GLG1: variants seen among roughly 807,000 people sequenced by gnomAD.
GLG1 encodes Golgi apparatus protein 1.
Under a neutral mutation model 160.5 loss-of-function variants are expected in GLG1, and 38 were observed. The observed-to-expected ratio is 0.24, with a 90% CI of 0.18 to 0.31. The LOEUF (loss-of-function observed/expected upper bound fraction) is 0.31. Ranked by LOEUF, GLG1 falls within the 10% of genes least tolerant of loss-of-function variation. GLG1 has a pLI of 1.00. For missense variants in GLG1, 1,373 were observed against 1,505.2 expected, an observed-to-expected ratio of 0.91 and a Z score of 1.45; for synonymous variants, 644 against 543.4, an observed-to-expected ratio of 1.19 and a Z score of -2.57.
intron 11 of GLG1, among the ~76,000 whole-genome samples, chr16:74,479,441 G>A (rs1181566387): frequency 7.7e-6 from 1 of 129,378 alleles, no homozygotes; most frequent in Non-Finnish European, 1.8e-5. Context: ...CTCATTATAT[G>A]GAGAGAAAAA....
chr16:74,465,634 T>TTGTTGTTCATCCG (rs2014972645), intron 19 of GLG1, 42 bp downstream of exon 19: 1 of 1,600,916 alleles, frequency 6.2e-7, no homozygotes, highest in African/African-American at 1.3e-5. Flanking sequence ...CTTTGTTGTT[T>TTGTTGTTCATCCG]TGTTGTTCAT....
chr16:74,506,934 T>C (rs944679363), intron 3 of GLG1, among the ~76,000 whole-genome samples: 2 of 152,162 alleles, frequency 1.3e-5, no homozygotes, highest in African/African-American at 4.8e-5. Context: ...ATGAGCAAAA[T>C]GCTGCAGTCA....
At chr16:74,516,209 T>C (rs975946340) in intron 2 of GLG1, among the ~76,000 whole-genome samples, 9 of 151,622 alleles carry the variant, frequency 5.9e-5, no homozygotes, top group Non-Finnish European at 1.0e-4. Context: ...GCAGACCTAA[T>C]AGACATCTAC....
chr16:74,498,156 G>A (rs1037030716), intron 4 of GLG1, among the ~76,000 whole-genome samples: 36 of 151,684 alleles, frequency 2.4e-4, no homozygotes, highest in African/African-American at 6.5e-4. Context: ...CTATTAGCCC[G>A]GCACGATGGC....
At chr16:74,513,192 G>A (rs2016868839) in intron 2 of GLG1, among the ~76,000 whole-genome samples, 2 of 152,156 alleles carry the variant, frequency 1.3e-5, no homozygotes, top group Non-Finnish European at 2.9e-5. Context: ...TTACACTGGA[G>A]AAGGGCAGGA....
At chr16:74,586,189 C>T (rs1395875442) in intron 1 of GLG1, among the ~76,000 whole-genome samples, 11 of 152,010 alleles carry the variant, frequency 7.2e-5, no homozygotes. Context: ...AGGCAAGGCC[C>T]TAGGAAACGA....
rs1029158886 is a variant in GLG1, at chr16:74,496,577, C to G, written c.842G>C (p.Arg281Thr). 1 of 1,613,430 alleles carries G rather than the reference C, an allele frequency of 6.2e-7. No individual in the cohort carries two copies. Among genetic ancestry groups the G allele is most frequent in the Non-Finnish European group, 8.5e-7 (1 of 1,179,604 alleles). The change falls in exon 5 of 26, where the codon AGA (arginine) becomes ACA (threonine). Residue 281 changes from arginine to threonine, a missense_variant. Physicochemically the swap from Arg to Thr is moderately conservative, Grantham distance 71. This residue lies in a region of GLG1 where 174 missense variants were observed against 229.9 expected (regional missense o/e 0.76). Coordinates refer to ENST00000422840, the MANE Select transcript of GLG1 (RefSeq NM_001145667.2). ...EKGLVKEAEE[R>T]EPKIQVSELC... ...TTCAGAAACTTGAATCTTGGGTTCTCTTTCTTCTGCTTCTTTCACCAGGCC... is the reference window on the plus strand; with the variant it reads ...TTCAGAAACTTGAATCTTGGGTTCTGTTTCTTCTGCTTCTTTCACCAGGCC...
intron 1 of GLG1, among the ~76,000 whole-genome samples, chr16:74,540,500 C>G (rs1250591604): frequency 6.6e-6 from 1 of 151,608 alleles, no homozygotes; most frequent in Non-Finnish European, 1.5e-5. Context: ...AGAGCTCAAC[C>G]AATCTTTTCA....
intron 3 of GLG1, among the ~76,000 whole-genome samples, chr16:74,504,009 T>A (rs1339636385): frequency 1.3e-5 from 2 of 152,190 alleles, no homozygotes; most frequent in Admixed American, 1.3e-4. Flanking sequence ...AATACCTACA[T>A]ATCAAATGCT....
At chr16:74,541,320 T>C (rs1269765457) in intron 1 of GLG1, among the ~76,000 whole-genome samples, 3 of 111,750 alleles carry the variant, frequency 2.7e-5, no homozygotes, top group Non-Finnish European at 3.6e-5. Flanking sequence ...CAAGGCTCTG[T>C]CTCCAAAAAA....
At chr16:74,491,636 CTTTT>C (rs57935114) in intron 7 of GLG1, among the ~76,000 whole-genome samples, 8 of 87,404 alleles carry the variant, frequency 9.2e-5, no homozygotes, top group African/African-American at 2.0e-4. Context: ...ATGGGGAAAA[CTTTT>C]TTTTTTTTTT....
chr16:74,476,484 C>A (rs557267718), intron 12 of GLG1, among the ~76,000 whole-genome samples: 1 of 152,144 alleles, frequency 6.6e-6, no homozygotes, highest in Non-Finnish European at 1.5e-5. Flanking sequence ...AATTCCTGTA[C>A]GTGTGACTTT....
At chr16:74,498,236 G>C (rs566775218) in intron 4 of GLG1, among the ~76,000 whole-genome samples, 1 of 150,258 alleles carries the variant, frequency 6.7e-6, no homozygotes, top group Admixed American at 6.7e-5. Flanking sequence ...TTCAAGACCA[G>C]TCTGGCCAAC....
chr16:74,564,147 T>C (rs1346073942), intron 1 of GLG1, among the ~76,000 whole-genome samples: 1 of 152,198 alleles, frequency 6.6e-6, no homozygotes, highest in East Asian at 1.9e-4. Flanking sequence ...CTTGAACTCC[T>C]GGCCTCAGGG....
In GLG1 at chr16:74,462,485, T is replaced by C; in HGVS notation, c.2934+3A>G. On this transcript the variant is annotated splice_donor_region_variant and intron_variant, in intron 21 of 25. Coordinates refer to ENST00000422840, the MANE Select transcript of GLG1 (RefSeq NM_001145667.2). Reference sequence around the variant, plus strand: ...CCTTTGTGGAGAGCCCAGGCCAGTTTACCTGGTCAGCATATCTCAGCTTCA... The same window carrying C: ...CCTTTGTGGAGAGCCCAGGCCAGTTCACCTGGTCAGCATATCTCAGCTTCA... 6.2e-7 allele frequency: 1 copy of C among 1,612,900 alleles called. No homozygotes were observed. The highest frequency in any genetic ancestry group is 1.1e-5 in the South Asian group (1 of 91,042).
rs12934719 is a variant in GLG1 at position 74,591,185 on chromosome 16, G to C, written c.438+15472C>G. 5.9e-5 allele frequency among the ~76,000 whole-genome samples: 9 copies of C among 151,844 alleles called. No individual in the cohort carries two copies. The East Asian group carries it at 7.8e-4, about 13-fold the overall frequency. ...GTCTCTACTAAAAATACAAAAATTA[G>C]CTGGGTGTCTTGGCATGCACCTGTA... On this transcript the variant is annotated intron_variant, in intron 1 of 25. Transcript: ENST00000422840.
intron 1 of GLG1, among the ~76,000 whole-genome samples, chr16:74,535,815 G>C (rs1291663138): frequency 1.3e-5 from 2 of 152,116 alleles, no homozygotes; most frequent in Non-Finnish European, 2.9e-5. Flanking sequence ...ATGATGTTAG[G>C]TCTTTGAGAT....
At chr16:74,543,983 C>T (rs186410446) in intron 1 of GLG1, among the ~76,000 whole-genome samples, 139 of 152,292 alleles carry the variant, frequency 9.1e-4, no homozygotes, top group African/African-American at 3.2e-3. Flanking sequence ...AGATGACTAC[C>T]TTTCCAAGGA....
intron 1 of GLG1, among the ~76,000 whole-genome samples, chr16:74,599,920 G>A (rs1180284994): frequency 1.3e-5 from 2 of 151,438 alleles, no homozygotes; most frequent in Non-Finnish European, 2.9e-5. Flanking sequence ...TGTAATCCCT[G>A]CTACTAGAGA....
Sources: allele counts gnomAD v4.1 joint callset (sites outside exome capture counted in the v4.1 genomes callset), GRCh38; gene constraint gnomAD v4.1.1; regional missense constraint gnomAD v4.1.1; transcripts MANE v1.5; gene names NCBI Gene and HGNC (gene_info 2026-07-23, HGNC 2026-07-21).